The following PLCD3 variants were observed in gnomAD, a reference collection of about 807,000 sequenced individuals.
PLCD3 encodes phospholipase C delta 3.
Under a neutral mutation model 82.8 loss-of-function variants are expected in PLCD3, and 62 were observed. The ratio of observed to expected loss-of-function variants is 0.75; its 90% confidence interval spans 0.61 to 0.93. The LOEUF is 0.93. Ranked by LOEUF, PLCD3 falls within the 40% of genes least tolerant of loss-of-function variation. The pLI is 0.00. For missense variants in PLCD3, 1,023 were observed against 1,103.4 expected, an observed-to-expected ratio of 0.93 and a Z score of 1.03; for synonymous variants, 478 against 471.8, an observed-to-expected ratio of 1.01 and a Z score of -0.17.
In PLCD3 at chr17:45,121,193, C is replaced by T. The variant is rs1256038388; in HGVS notation, c.325+18G>A. 3.2e-6 allele frequency: 5 copies of T among 1,556,072 alleles called. No homozygotes were observed. Among genetic ancestry groups the T allele is most frequent in the Non-Finnish European group, 4.3e-6 (5 of 1,160,242 alleles). ...TGTCCCCACCTCCCTGTCCGCCCGG[C>T]GCTCCCCGGCCTCTCACAGATGTGC... On this transcript the variant is annotated intron_variant, in intron 2 of 14. Transcript: ENST00000619929.
chr17:45,119,783 T>C (rs1238535813), intron 4 of PLCD3, among the ~76,000 whole-genome samples: 4 of 152,242 alleles, frequency 2.6e-5, no homozygotes, highest in Non-Finnish European at 5.9e-5. Context: ...GGGGTCCAGC[T>C]GCCATGGGCT....
chr17:45,121,209 A>T lies in PLCD3; in HGVS notation c.325+2T>A, dbSNP rs1263512913. On this transcript the variant is annotated splice_donor_variant, in intron 2 of 14. Transcript: ENST00000619929. LOFTEE classifies it high-confidence loss of function. ...TCCGCCCGGCGCTCCCCGGCCTCTC[A>T]CAGATGTGCTGCGATGGCGCACGCG... 2 of 1,579,128 alleles carry T rather than the reference A, an allele frequency of 1.3e-6. No homozygotes were observed. Among genetic ancestry groups the T allele is most frequent in the Admixed American group, 3.5e-5 (2 of 57,632 alleles).
In PLCD3 at chr17:45,121,327, C is replaced by T. The variant is rs999183937; in HGVS notation, c.209G>A (p.Arg70Gln). The change falls in exon 2 of 15, where the codon CGG (arginine) becomes CAG (glutamine). Residue 70 changes from arginine (R) to glutamine (Q), a missense_variant. Transcript: ENST00000619929. ...EDVRAMLRGS[R>Q]LRKIRSRTWH... ...CGTGCGCGAGCGGATCTTGCGGAGCCGGGAGCCCCGCAGCATGGCGCGCAC... is the reference window on the plus strand; with the variant it reads ...CGTGCGCGAGCGGATCTTGCGGAGCTGGGAGCCCCGCAGCATGGCGCGCAC... 30 of 1,556,976 alleles carry T rather than the reference C, an allele frequency of 1.9e-5. No homozygotes were observed. The highest frequency in any genetic ancestry group is 2.6e-5 in the Non-Finnish European group (30 of 1,160,116).
chr17:45,132,312 C>T lies in PLCD3; in HGVS notation c.99G>A (p.Pro33=). 1 of 1,251,842 alleles carries T rather than the reference C, an allele frequency of 8.0e-7. No individual in the cohort carries two copies. The highest frequency in any genetic ancestry group is 1.5e-5 in the African/African-American group (1 of 65,364). 77.5% of individuals were successfully genotyped at this position (1,251,842 alleles called of 1,614,324 possible). The stretch of plus-strand genomic sequence containing the variant: ...CGCCATCGGAGGGAGTCGGCGGGGA[C>T]GGGAGAGCGACCGGCGCCGCGACTT... ...AAQVAAPVAL[P]SPPTPSDGGT... The change falls in exon 1 of 15, where the codon CCG becomes CCA. Residue 33 remains proline, a synonymous_variant. Transcript: ENST00000619929. The surrounding 1 kb of genome is among the most constrained non-coding windows in gnomAD (Gnocchi z 4.6).
At chr17:45,125,292 G>A (rs1033678015) in intron 1 of PLCD3, among the ~76,000 whole-genome samples, 3 of 151,168 alleles carry the variant, frequency 2.0e-5, no homozygotes, top group Non-Finnish European at 4.4e-5. Context: ...GTGAAACCCT[G>A]TCTCTACTAA....
At chr17:45,128,916 G>A (rs1254172970) in intron 1 of PLCD3, among the ~76,000 whole-genome samples, 3 of 152,212 alleles carry the variant, frequency 2.0e-5, no homozygotes, top group African/African-American at 7.2e-5. Flanking sequence ...CCCCCTGCAG[G>A]TATCAGCTTC....
At chr17:45,123,993 G>A (rs2143581677) in intron 1 of PLCD3, among the ~76,000 whole-genome samples, 1 of 133,840 alleles carries the variant, frequency 7.5e-6, no homozygotes, top group Non-Finnish European at 1.6e-5. Context: ...CCTCTAAATG[G>A]TCCCATCCTG....
intron 1 of PLCD3, among the ~76,000 whole-genome samples, chr17:45,124,281 G>A (rs754972290): frequency 2.0e-5 from 3 of 152,374 alleles, no homozygotes; most frequent in East Asian, 1.9e-4. Flanking sequence ...CAGCCTGAAC[G>A]CCTGACTGGG....
chr17:45,131,528 T>C (rs2054446831), intron 1 of PLCD3, among the ~76,000 whole-genome samples: 1 of 152,370 alleles, frequency 6.6e-6, no homozygotes, highest in East Asian at 1.9e-4. Flanking sequence ...TGTGTGGTCA[T>C]AGGCAAATTC....
chr17:45,117,845 T>C lies in PLCD3; in HGVS notation c.1260+149A>G, dbSNP rs938431894. Reference sequence around the variant, plus strand: ...TCTCATTCAGCTTTATGCCACCCCATTGGCCACTTATCCCAGCAGCACTTG... The same window carrying C: ...TCTCATTCAGCTTTATGCCACCCCACTGGCCACTTATCCCAGCAGCACTTG... On this transcript the variant is annotated intron_variant, in intron 7 of 14. Transcript: ENST00000619929. 6 of 1,040,404 alleles carry C rather than the reference T, an allele frequency of 5.8e-6. No homozygotes were observed. The African/African-American group carries it at 7.9e-5, about 14-fold the overall frequency. 64.4% of individuals were successfully genotyped at this position (1,040,404 alleles called of 1,614,324 possible). A position where few individuals can be genotyped will look rare whatever the true frequency, so the allele number is the denominator to read the frequency against.
At chr17:45,113,414 CTG>C in intron 12 of PLCD3, 23 bp downstream of exon 12, 1 of 1,577,988 alleles carries the variant, frequency 6.3e-7, no homozygotes, top group Non-Finnish European at 8.6e-7. Flanking sequence ...TGACCCCACA[CTG>C]GGGCCCGTTC....
At chr17:45,113,092 C>G (rs1431683927) in intron 13 of PLCD3, 30 bp downstream of exon 13, 2 of 1,612,636 alleles carry the variant, frequency 1.2e-6, no homozygotes, top group Non-Finnish European at 1.7e-6. Flanking sequence ...GCAGTCTCCC[C>G]CAACCCCACT....
At position 45,118,568 on chromosome 17, in the gene PLCD3, A is replaced by G; in HGVS notation, c.914-76T>C. 1 of 1,527,216 alleles carries G rather than the reference A, an allele frequency of 6.5e-7. No individual in the cohort carries two copies. The highest frequency in any genetic ancestry group is 9.0e-7 in the Non-Finnish European group (1 of 1,113,416). The allele number at this position is 1,527,216 out of a possible 1,614,324, so 94.6% of individuals were successfully genotyped here. On this transcript the variant is annotated intron_variant, in intron 5 of 14. Transcript: ENST00000619929. This position sits in a 1 kb window ranked among gnomAD's most constrained non-coding sequence, Gnocchi z 4.1. ...CCAGCTTCCAATGCCCCCAAGGCCCACTCAGCTTAGGAATAATGACTAGAC... is the reference window on the plus strand; with the variant it reads ...CCAGCTTCCAATGCCCCCAAGGCCCGCTCAGCTTAGGAATAATGACTAGAC...
intron 1 of PLCD3, among the ~76,000 whole-genome samples, chr17:45,125,064 C>G (rs550740107): frequency 1.7e-4 from 26 of 151,892 alleles, no homozygotes; most frequent in East Asian, 7.8e-4. Context: ...TGGTGGCTCA[C>G]ACCTGTAATC....
In PLCD3 at chr17:45,132,498, G is replaced by A; in HGVS notation, c.-88C>T. On this transcript the variant is annotated 5_prime_UTR_variant, in exon 1 of 15. Coordinates refer to ENST00000619929, the MANE Select transcript of PLCD3 (RefSeq NM_133373.5). The surrounding 1 kb of genome is among the most constrained non-coding windows in gnomAD (Gnocchi z 4.6). ...CGCTCTGGCCCGGCCCCGGCTCTGA[G>A]CGAGGCGGCGAGCGAAGAAACTTAG... 1 of 850,636 alleles carries A rather than the reference G, an allele frequency of 1.2e-6. No homozygotes were observed. The highest frequency in any genetic ancestry group is 1.5e-6 in the Non-Finnish European group (1 of 666,060). 52.7% of individuals were successfully genotyped at this position (850,636 alleles called of 1,614,324 possible).
chr17:45,117,746 T>TGGAAACTCTGTGATTTTTA (rs904882274), intron 7 of PLCD3, among the ~76,000 whole-genome samples: 7 of 152,222 alleles, frequency 4.6e-5, no homozygotes, highest in African/African-American at 1.7e-4. Context: ...GGTTTTCTTC[T>TGGAAACTCTGTGATTTTTA]GGAAACTCTG....
Position 45,129,999 on chromosome 17 carries a change from C to T in PLCD3, c.163+2249G>A, listed in dbSNP as rs374584085. Among the ~76,000 whole-genome samples the T allele has an allele frequency of 3.3e-5, 5 of 152,336 alleles. No individual in the cohort carries two copies. In the East Asian group the frequency reaches 5.8e-4, roughly 18 times the overall value. ...GGCAGAGCGAGGCGGGGGAGGCTACCTGGGTGACAGGCCTAGGCCTTGGCC... is the reference window on the plus strand; with the variant it reads ...GGCAGAGCGAGGCGGGGGAGGCTACTTGGGTGACAGGCCTAGGCCTTGGCC... On this transcript the variant is annotated intron_variant, in intron 1 of 14. Transcript: ENST00000619929.
At position 45,112,337 on chromosome 17, in the gene PLCD3, C is replaced by T. The variant is rs1223203526; in HGVS notation, c.*279G>A. On this transcript the variant is annotated 3_prime_UTR_variant, in exon 15 of 15. Coordinates refer to ENST00000619929, the MANE Select transcript of PLCD3 (RefSeq NM_133373.5). ...AGCAACAGGCTTGCTCCTCATAAGTCACAATGAGGGGTGGGCTGAGGACAA... is the reference window on the plus strand; with the variant it reads ...AGCAACAGGCTTGCTCCTCATAAGTTACAATGAGGGGTGGGCTGAGGACAA... 1.9e-5 allele frequency: 9 copies of T among 474,552 alleles called. 1 individual carries two copies. In the South Asian group the frequency reaches 2.0e-4, roughly 11 times the overall value. The allele number at this position is 474,552 out of a possible 1,614,324, so 29.4% of individuals were successfully genotyped here.
chr17:45,121,256 C>G lies in PLCD3; in HGVS notation c.280G>C (p.Val94Leu), dbSNP rs369720808. The G allele has an allele frequency of 1.2e-4, 192 of 1,592,150 alleles. No homozygotes were observed. Among genetic ancestry groups the G allele is most frequent in the Middle Eastern group, 3.3e-4 (2 of 6,014 alleles). ...LYRLQEDGLS[V>L]WFQRRIPRAP... is the part of the protein sequence containing the mutation. Reference sequence around the variant, plus strand: ...CGCGGGATGCGCCGCTGGAACCACACGCTCAGGCCGTCCTCCTGCAGCCGG... The same window carrying G: ...CGCGGGATGCGCCGCTGGAACCACAGGCTCAGGCCGTCCTCCTGCAGCCGG... Residue 94 changes from valine to leucine, a missense_variant, in exon 2 of 15, where the codon GTG becomes CTG. Val to Leu is a conservative substitution (Grantham distance 32). Transcript: ENST00000619929.
Sources: gnomAD v4.1 joint callset for allele counts (sites outside exome capture counted in the v4.1 genomes callset) on GRCh38, gnomAD v4.1.1 for gene constraint, Gnocchi (gnomAD v3.1) non-coding constraint, MANE v1.5 for transcripts, NCBI Gene and HGNC (gene_info 2026-07-23, HGNC 2026-07-21) for gene names.